TNRC18: variants seen among roughly 807,000 people sequenced by gnomAD.
TNRC18 encodes trinucleotide repeat-containing gene 18 protein.
A neutral mutation model predicts 226.7 loss-of-function variants in TNRC18; 69 were observed. The ratio of observed to expected loss-of-function variants is 0.30; its 90% CI spans 0.25 to 0.37. TNRC18 has a LOEUF of 0.37. Among genes scored for constraint, TNRC18 ranks in the 10% least tolerant of loss-of-function variants. The probability of loss-of-function intolerance (pLI) is 1.00; values close to 1 mark genes in which losing one functional copy is unlikely to be tolerated. For synonymous variants in TNRC18, 2,449 were observed against 1,927.6 expected (o/e 1.27, Z -7.09); for missense variants, 4,754 against 4,256.6 (o/e 1.12, Z -3.25).
intron 10 of TNRC18, 66 bp from the exon 11 acceptor site, chr7:5,371,430 C>T: frequency 7.0e-7 from 1 of 1,434,718 alleles, no homozygotes; most frequent in Non-Finnish European, 9.1e-7. Context: ...CCACTGACAC[C>T]CGCCCACCAC....
chr7:5,349,502 G>A (rs1379883965), intron 17 of TNRC18, among the ~76,000 whole-genome samples: 1 of 152,214 alleles, frequency 6.6e-6, no homozygotes, highest in Non-Finnish European at 1.5e-5. Context: ...CAGGTTGGTG[G>A]TAAATGTCAG....
In TNRC18 at chr7:5,377,925, A is replaced by G; in HGVS notation, c.2252T>C (p.Leu751Pro). 1.2e-6 allele frequency: 2 copies of G among 1,612,442 alleles called. No homozygotes were observed. The highest frequency in any genetic ancestry group is 1.7e-6 in the Non-Finnish European group (2 of 1,179,436). The part of the protein sequence containing the change: ...ARLDRDQEKL[L>P]RESKELADLA... ...CAGGATCCCCCGACACCCTCACCTG[A>G]GCAGCTTCTCCTGATCCCGGTCCAG... Residue 751 changes from leucine (L) to proline (P), a missense_variant, in exon 6 of 30, where the codon CTC becomes CCC. By Grantham distance (98) the Leu-to-Pro change is moderately conservative. Coordinates refer to ENST00000430969, the MANE Select transcript of TNRC18 (RefSeq NM_001080495.3). The surrounding 1 kb of genome is among the most constrained non-coding windows in gnomAD (Gnocchi z 5.8).
At chr7:5,418,189 C>T (rs1224456406) in intron 2 of TNRC18, among the ~76,000 whole-genome samples, 1 of 152,220 alleles carries the variant, frequency 6.6e-6, no homozygotes, top group Non-Finnish European at 1.5e-5. Context: ...GCCCAGAGCA[C>T]AGAGCCAAGC....
intron 18 of TNRC18, 45 bp downstream of exon 18, chr7:5,345,517 G>GGGCCC: frequency 2.6e-6 from 1 of 377,744 alleles, no homozygotes; most frequent in Non-Finnish European, 4.8e-6. Flanking sequence ...AATGGCGTCC[G>GGGCCC]CCCCTCCCAC....
intron 11 of TNRC18, among the ~76,000 whole-genome samples, chr7:5,364,423 A>G (rs1793395421): frequency 6.7e-6 from 1 of 149,936 alleles, no homozygotes; most frequent in Admixed American, 6.7e-5. Context: ...ACACCACTGC[A>G]CTCCAGCCTG....
At position 5,374,304 on chromosome 7, in the gene TNRC18, G is replaced by A. The variant is rs1180081499; in HGVS notation, c.2980C>T (p.Pro994Ser). Residue 994 changes from proline (P) to serine (S), a missense_variant, in exon 10 of 30, where the codon CCA becomes TCA. By Grantham distance (74) the Pro-to-Ser change is moderately conservative. Coordinates refer to ENST00000430969, the MANE Select transcript of TNRC18 (RefSeq NM_001080495.3). ...GCCACAGGGGATGCGCGGGGTGATG[G>A]TGGCGGGCTCACGGCCTTGCCGTAG... ...GTYGKAVSPP[P>S]SPRASPVAAL... 6.9e-7 allele frequency: 1 copy of A among 1,448,990 alleles called. No individual in the cohort carries two copies. The highest frequency in any genetic ancestry group is 1.5e-5 in the African/African-American group (1 of 67,180). 89.8% of individuals were successfully genotyped at this position (1,448,990 alleles called of 1,614,324 possible).
intron 19 of TNRC18, among the ~76,000 whole-genome samples, chr7:5,331,968 G>A (rs1188232001): frequency 2.6e-5 from 4 of 152,120 alleles, no homozygotes; most frequent in Non-Finnish European, 1.5e-5. Flanking sequence ...TGGCAGATGT[G>A]TTTATTAATT....
At chr7:5,396,629 C>T (rs1376816550) in intron 2 of TNRC18, among the ~76,000 whole-genome samples, 1 of 152,202 alleles carries the variant, frequency 6.6e-6, no homozygotes, top group Non-Finnish European at 1.5e-5. Flanking sequence ...CCAGCAACAC[C>T]CTCAGGAGGT....
At chr7:5,368,525 A>C (rs899312042) in intron 11 of TNRC18, among the ~76,000 whole-genome samples, 2 of 151,824 alleles carry the variant, frequency 1.3e-5, no homozygotes, top group African/African-American at 2.4e-5. Flanking sequence ...ATAGCCAGGC[A>C]TGGTGGTGCG....
intron 5 of TNRC18, among the ~76,000 whole-genome samples, chr7:5,383,522 C>G (rs750759002): frequency 3.9e-5 from 6 of 152,164 alleles, no homozygotes; most frequent in Non-Finnish European, 8.8e-5. Flanking sequence ...TTCAAGGTTA[C>G]GTAGCTACAA....
At chr7:5,319,482 C>A (rs1788141094) in intron 24 of TNRC18, among the ~76,000 whole-genome samples, 1 of 152,122 alleles carries the variant, frequency 6.6e-6, no homozygotes, top group Admixed American at 6.6e-5. Flanking sequence ...TCCTAGGGTA[C>A]CTGTTGTTTT....
chr7:5,379,916 C>T (rs371695947), intron 5 of TNRC18, among the ~76,000 whole-genome samples: 1 of 152,158 alleles, frequency 6.6e-6, no homozygotes, highest in Admixed American at 6.5e-5. Flanking sequence ...GGGCAGACCC[C>T]GGCCATCAGC....
chr7:5,334,375 C>A (rs1279542102), intron 18 of TNRC18, among the ~76,000 whole-genome samples: 2 of 151,780 alleles, frequency 1.3e-5, no homozygotes, highest in African/African-American at 4.8e-5. Flanking sequence ...CGGCTCACTG[C>A]AAGCTCCGCT....
chr7:5,372,407 G>A (rs10156110), intron 10 of TNRC18, among the ~76,000 whole-genome samples: 9,455 of 150,138 alleles, frequency 0.063, 342 homozygotes, highest in South Asian at 0.14. Flanking sequence ...ATTTTTAGTA[G>A]AGACGGGGAT....
intron 26 of TNRC18, 147 bp downstream of exon 26, chr7:5,314,837 C>G: frequency 1.1e-6 from 1 of 875,950 alleles, no homozygotes; most frequent in Non-Finnish European, 1.7e-6. Context: ...CCTCCCAAAG[C>G]GCTGGGATTA....
At chr7:5,332,516 G>C (rs1042695166) in intron 19 of TNRC18, 106 bp downstream of exon 19, 7 of 1,299,402 alleles carry the variant, frequency 5.4e-6, no homozygotes, top group African/African-American at 1.6e-5. Flanking sequence ...CGAGTACATG[G>C]TTATTAACAG....
chr7:5,401,131 T>C (rs183239853), intron 2 of TNRC18, among the ~76,000 whole-genome samples: 1 of 150,866 alleles, frequency 6.6e-6, no homozygotes, highest in East Asian at 2.0e-4. Flanking sequence ...CCACCATGTC[T>C]GGCCCACCAA....
chr7:5,388,857 T>C lies in TNRC18; in HGVS notation c.967A>G (p.Thr323Ala), dbSNP rs958749219. 5 of 1,268,950 alleles carry C rather than the reference T, an allele frequency of 3.9e-6. No homozygotes were observed. In the African/African-American group the frequency reaches 8.2e-5, roughly 21 times the overall value. The allele number at this position is 1,268,950 out of a possible 1,614,324, so 78.6% of individuals were successfully genotyped here. Residue 323 changes from threonine to alanine, a missense_variant, in exon 5 of 30, where the codon ACC becomes GCC. Coordinates refer to ENST00000430969, the MANE Select transcript of TNRC18 (RefSeq NM_001080495.3). ...CAGGGGCGCGGCCCAGGGAGCAGGGTCTCCGTGCGCCGCAGCAGCCGCGCG... is the reference window on the plus strand; with the variant it reads ...CAGGGGCGCGGCCCAGGGAGCAGGGCCTCCGTGCGCCGCAGCAGCCGCGCG... ...EGARLLRRTE[T>A]LLPGPRPCPS...
At chr7:5,373,832 A>G (rs1204276001) in intron 10 of TNRC18, among the ~76,000 whole-genome samples, 2 of 151,496 alleles carry the variant, frequency 1.3e-5, no homozygotes, top group African/African-American at 2.4e-5. Flanking sequence ...CTAATATTAC[A>G]CCCATTTCCC....
Sources: gnomAD v4.1 joint callset for allele counts (sites outside exome capture counted in the v4.1 genomes callset) on GRCh38, gnomAD v4.1.1 for gene constraint, Gnocchi (gnomAD v3.1) non-coding constraint, MANE v1.5 for transcripts, NCBI Gene and HGNC (gene_info 2026-07-23, HGNC 2026-07-21) for gene names.